MRC1: variants seen among roughly 807,000 people sequenced by gnomAD.
The protein encoded by MRC1 is macrophage mannose receptor 1.
A neutral mutation model predicts 102.9 loss-of-function variants in MRC1; 62 were observed. The observed-to-expected ratio is 0.60, with a 90% confidence interval of 0.49 to 0.74. MRC1 has a LOEUF of 0.74. Among genes scored for constraint, MRC1 ranks in the 30% least tolerant of loss-of-function variants. The pLI, the probability that MRC1 is intolerant of heterozygous loss-of-function variation, is 0.00. For synonymous variants in MRC1, 457 were observed against 298.4 expected (o/e 1.53, Z -5.48); for missense variants, 1,237 against 862.8 (o/e 1.43, Z -5.43).
intron 5 of MRC1, among the ~76,000 whole-genome samples, chr10:17,841,483 G>C (rs1838748416): frequency 6.6e-6 from 1 of 152,130 alleles, no homozygotes; most frequent in African/African-American, 2.4e-5. Flanking sequence ...AAACAGAGTT[G>C]GGGATGATAA....
intron 22 of MRC1, among the ~76,000 whole-genome samples, chr10:17,887,873 GCT>G (rs1833622321): frequency 6.6e-6 from 1 of 152,128 alleles, no homozygotes; most frequent in Non-Finnish European, 1.5e-5. Context: ...TGCAATCTCG[GCT>G]CACTGCAACT....
intron 28 of MRC1, among the ~76,000 whole-genome samples, chr10:17,908,807 G>A (rs1833931482): frequency 6.6e-6 from 1 of 152,134 alleles, no homozygotes; most frequent in Admixed American, 6.5e-5. Flanking sequence ...GACCTCAGGT[G>A]TTCCACCTGC....
intron 5 of MRC1, among the ~76,000 whole-genome samples, chr10:17,842,197 A>G (rs1055813729): frequency 6.6e-6 from 1 of 152,172 alleles, no homozygotes; most frequent in Non-Finnish European, 1.5e-5. Context: ...TTCTGAACTC[A>G]AGTGATGTGG....
At chr10:17,887,250 G>A (rs1833610649) in intron 22 of MRC1, among the ~76,000 whole-genome samples, 1 of 152,098 alleles carries the variant, frequency 6.6e-6, no homozygotes. Flanking sequence ...AATTAGCCGG[G>A]CGTGGTGGTG....
intron 13 of MRC1, 51 bp downstream of exon 13, chr10:17,870,424 A>G: frequency 1.3e-6 from 1 of 779,552 alleles, no homozygotes; most frequent in Non-Finnish European, 2.4e-6. Flanking sequence ...GTTGGTGCTT[A>G]TGAAGTTGAG....
At chr10:17,892,401 C>T (rs1277835650) in intron 22 of MRC1, among the ~76,000 whole-genome samples, 4 of 152,200 alleles carry the variant, frequency 2.6e-5, no homozygotes, top group African/African-American at 9.6e-5. Flanking sequence ...CCTTTTTCTG[C>T]TCCTGGGCTT....
intron 18 of MRC1, 106 bp from the exon 19 acceptor site, chr10:17,879,615 G>C (rs1440530756): frequency 6.4e-6 from 5 of 779,046 alleles, no homozygotes; most frequent in Non-Finnish European, 1.2e-5. Flanking sequence ...CACTCGCCTC[G>C]GCCTCCCATG....
intron 15 of MRC1, among the ~76,000 whole-genome samples, chr10:17,873,144 C>G (rs902496456): frequency 2.6e-5 from 4 of 152,122 alleles, no homozygotes; most frequent in Admixed American, 1.3e-4. Context: ...GTCCCTTTAT[C>G]AGCTTTCAAC....
chr10:17,910,191 C>T (rs1448742478), intron 29 of MRC1, 24 bp from the exon 30 acceptor site: 8 of 780,422 alleles, frequency 1.0e-5, no homozygotes, highest in Non-Finnish European at 1.9e-5. Flanking sequence ...CCACGTTTTC[C>T]ATAATGATTT....
chr10:17,813,606 A>G (rs1482653664), intron 1 of MRC1, among the ~76,000 whole-genome samples: 1 of 149,244 alleles, frequency 6.7e-6, no homozygotes, highest in Non-Finnish European at 1.5e-5. Context: ...GCTAACTTTT[A>G]TGCTTTGGAA....
chr10:17,861,342 T>C, intron 9 of MRC1, 45 bp from the exon 10 acceptor site: 1 of 816,140 alleles, frequency 1.2e-6, no homozygotes, highest in Non-Finnish European at 2.2e-6. Context: ...ATAATATATA[T>C]GCATGAACTC....
At position 17,827,827 on chromosome 10, in the gene MRC1, C is replaced by A. The variant is rs1589166630; in HGVS notation, c.637+112C>A. Reference sequence around the variant, plus strand: ...CCCCAAAGTTATTTCACATTTACGACCTCATTGTACCTACTACAGCCCTTT... The same window carrying A: ...CCCCAAAGTTATTTCACATTTACGAACTCATTGTACCTACTACAGCCCTTT... On this transcript the variant is annotated intron_variant, in intron 3 of 29. Transcript: ENST00000569591. 6 of 735,200 alleles carry A rather than the reference C, an allele frequency of 8.2e-6. No homozygotes were observed. The East Asian group carries it at 1.2e-4, about 15-fold the overall frequency. The allele number at this position is 735,200 out of a possible 1,614,324, so 45.5% of individuals were successfully genotyped here.
At chr10:17,907,862 G>T (rs1487930547) in intron 28 of MRC1, among the ~76,000 whole-genome samples, 164 bp downstream of exon 28, 2 of 152,214 alleles carry the variant, frequency 1.3e-5, no homozygotes, top group African/African-American at 4.8e-5. Context: ...ACTGTTTGCA[G>T]CTCTGCGTGA....
At chr10:17,816,939 A>G (rs1838321473) in intron 1 of MRC1, among the ~76,000 whole-genome samples, 1 of 152,108 alleles carries the variant, frequency 6.6e-6, no homozygotes, top group Non-Finnish European at 1.5e-5. Context: ...TTGCGGCATA[A>G]TTTTAAAAAT....
intron 1 of MRC1, among the ~76,000 whole-genome samples, chr10:17,821,196 G>C (rs1213994650): frequency 6.6e-6 from 1 of 152,068 alleles, no homozygotes; most frequent in Non-Finnish European, 1.5e-5. Context: ...AAGTTGCAGA[G>C]AACTAGGAAC....
In MRC1 at chr10:17,873,799, C is replaced by G. The variant is rs1833388873; in HGVS notation, c.2360C>G (p.Pro787Arg). The stretch of plus-strand genomic sequence containing the variant: ...TGTTTTACAGGACAAACACCAAAAC[C>G]TGAGCCAACACCAGCTCCTCAAGAC... ...CQIQKGQTPKPEPTPAPQDNP... is the reference protein window; with the variant it reads ...CQIQKGQTPKREPTPAPQDNP... Residue 787 changes from proline (P) to arginine (R), a missense_variant, in exon 16 of 30, where the codon CCT becomes CGT. Physicochemically the swap from Pro to Arg is moderately radical, Grantham distance 103 (BLOSUM62 -2). Coordinates refer to ENST00000569591, the MANE Select transcript of MRC1 (RefSeq NM_002438.4). The G allele has an allele frequency of 4.8e-5, 42 of 872,598 alleles. 1 individual carries two copies. In the South Asian group the frequency reaches 5.4e-4, roughly 11 times the overall value. 54.1% of individuals were successfully genotyped at this position (872,598 alleles called of 1,614,324 possible).
rs1269160845 is a variant in MRC1 at position 17,910,245 on chromosome 10, C to A, written c.4151C>A (p.Pro1384Gln). The change falls in exon 30 of 30, where the codon CCG becomes CAG. Residue 1384 changes from proline (P) to glutamine (Q), a missense_variant. Physicochemically the swap from Pro to Gln is moderately conservative, Grantham distance 76 (BLOSUM62 -1). Transcript: ENST00000569591. ...ADTRKMDPSKPSSNVAGVVII... is the reference protein window; with the variant it reads ...ADTRKMDPSKQSSNVAGVVII... ...ACAAGGAAGATGGACCCTTCTAAACCGTCTTCCAACGTGGCCGGAGTAGTC... is the reference window on the plus strand; with the variant it reads ...ACAAGGAAGATGGACCCTTCTAAACAGTCTTCCAACGTGGCCGGAGTAGTC... 3.8e-6 allele frequency: 3 copies of A among 780,894 alleles called. No individual in the cohort carries two copies. The South Asian group carries it at 4.0e-5, about 10-fold the overall frequency. The allele number at this position is 780,894 out of a possible 1,614,324, so 48.4% of individuals were successfully genotyped here.
intron 22 of MRC1, among the ~76,000 whole-genome samples, chr10:17,890,290 T>C (rs1250057505): frequency 1.3e-5 from 2 of 152,202 alleles, no homozygotes; most frequent in African/African-American, 4.8e-5. Flanking sequence ...GTGTGATGTG[T>C]TTAGATGTTG....
intron 22 of MRC1, among the ~76,000 whole-genome samples, chr10:17,889,465 T>C (rs1224736351): frequency 6.6e-6 from 1 of 152,226 alleles, no homozygotes; most frequent in African/African-American, 2.4e-5. Flanking sequence ...GGGGTCTTTC[T>C]GTGTTACCCA....
Sources: gnomAD v4.1 joint callset for allele counts (sites outside exome capture counted in the v4.1 genomes callset) on GRCh38, gnomAD v4.1.1 for gene constraint, MANE v1.5 for transcripts, NCBI Gene and HGNC (gene_info 2026-07-23, HGNC 2026-07-21) for gene names.